The following CYTH1 variants were observed in gnomAD, a reference collection of about 807,000 sequenced individuals.
The protein encoded by CYTH1 is cytohesin 1.
In CYTH1, 18 loss-of-function variants were observed where a neutral mutation model predicts 61.8. The ratio of observed to expected loss-of-function variants is 0.29; its 90% confidence interval spans 0.20 to 0.43. CYTH1 has a LOEUF of 0.43. CYTH1 is among the 20% of genes least tolerant of loss of function. The pLI, the probability that CYTH1 is intolerant of heterozygous loss-of-function variation, is 1.00. For missense variants in CYTH1, 336 were observed against 510.5 expected, an observed-to-expected ratio of 0.66 and a Z score of 3.29; for synonymous variants, 174 against 184.3, an observed-to-expected ratio of 0.94 and a Z score of 0.45.
chr17:78,698,159 A>G (rs2092963428), intron 9 of CYTH1, 110 bp downstream of exon 9: 2 of 887,208 alleles, frequency 2.3e-6, no homozygotes. Context: ...GCACACATGC[A>G]CACGCACAAA....
At chr17:78,752,316 G>A (rs745598842) in intron 1 of CYTH1, among the ~76,000 whole-genome samples, 1 of 152,146 alleles carries the variant, frequency 6.6e-6, no homozygotes, top group Non-Finnish European at 1.5e-5. Flanking sequence ...CATTTTTATA[G>A]AGATTTTCAT....
intron 1 of CYTH1, among the ~76,000 whole-genome samples, chr17:78,748,566 TGAA>T (rs945761179): frequency 1.8e-4 from 28 of 152,246 alleles, no homozygotes; most frequent in African/African-American, 6.3e-4. Context: ...GAGAATTGTC[TGAA>T]GAAGGGGGTA....
intron 13 of CYTH1, among the ~76,000 whole-genome samples, chr17:78,679,698 T>C (rs911882961): frequency 1.3e-5 from 2 of 152,216 alleles, no homozygotes; most frequent in African/African-American, 2.4e-5. Context: ...TGTGGAACCC[T>C]GAGGAAGCTT....
intron 1 of CYTH1, among the ~76,000 whole-genome samples, chr17:78,760,570 C>CATACATATATATGTATATATATAT (rs1273184656): frequency 1.6e-4 from 4 of 24,768 alleles, no homozygotes; most frequent in Admixed American, 1.0e-3. Context: ...TATATATATA[C>CATACATATATATGTATATATATAT]ACATACATAT....
At chr17:78,756,044 C>G (rs183830399) in intron 1 of CYTH1, among the ~76,000 whole-genome samples, 1 of 151,328 alleles carries the variant, frequency 6.6e-6, no homozygotes, top group East Asian at 1.9e-4. Flanking sequence ...TATATCCCAT[C>G]AAATTGTACA....
At chr17:78,772,233 G>A (rs925320608) in intron 1 of CYTH1, among the ~76,000 whole-genome samples, 37 of 152,042 alleles carry the variant, frequency 2.4e-4, no homozygotes, top group African/African-American at 5.1e-4. Flanking sequence ...AAGCAGACTC[G>A]ACCAGACTCG....
chr17:78,723,221 A>T (rs1267611698), intron 1 of CYTH1: 2 of 152,992 alleles, frequency 1.3e-5, no homozygotes. Context: ...ACCCACGGTG[A>T]GTCCCCTCTC....
At chr17:78,693,576 G>A (rs920807286) in intron 10 of CYTH1, among the ~76,000 whole-genome samples, 1 of 149,478 alleles carries the variant, frequency 6.7e-6, no homozygotes, top group Non-Finnish European at 1.5e-5. Flanking sequence ...AGCCAAGATT[G>A]CACCACTGCA....
intron 1 of CYTH1, among the ~76,000 whole-genome samples, chr17:78,749,286 C>G (rs2093370440): frequency 6.6e-6 from 1 of 151,998 alleles, no homozygotes; most frequent in Non-Finnish European, 1.5e-5. Flanking sequence ...ATGGCGAAAC[C>G]CCGTCTCCAC....
chr17:78,712,128 G>A (rs1006387210), intron 1 of CYTH1, among the ~76,000 whole-genome samples: 2 of 132,374 alleles, frequency 1.5e-5, no homozygotes, highest in African/African-American at 5.8e-5. Flanking sequence ...AAGGAAGGGA[G>A]GGAGGAAGGA....
Position 78,698,361 on chromosome 17 carries a change from T to C in CYTH1, c.719A>G (p.Lys240Arg). Residue 240 changes from lysine to arginine, a missense_variant, in exon 9 of 14, where the codon AAA becomes AGA. Around this residue, in one of 4 missense-constraint regions of CYTH1, gnomAD observed 125 missense variants for 209.9 expected, o/e 0.60. Coordinates refer to ENST00000446868, the MANE Select transcript of CYTH1 (RefSeq NM_004762.6). ...TTCTGGGATTTTAAAGGGTTCATTT[T>C]TTATGCTCTCATAGAGATTCTGGGA... ...ELLRNLYESI[K>R]NEPFKIPEDD... 1 of 1,612,836 alleles carries C rather than the reference T, an allele frequency of 6.2e-7. No homozygotes were observed. Among genetic ancestry groups the C allele is most frequent in the Non-Finnish European group, 8.5e-7 (1 of 1,179,378 alleles).
At chr17:78,703,111 T>TA (rs962849511) in intron 3 of CYTH1, among the ~76,000 whole-genome samples, 2 of 150,010 alleles carry the variant, frequency 1.3e-5, no homozygotes, top group Admixed American at 1.3e-4. Flanking sequence ...ACATGATTTT[T>TA]AAAAAAACTT....
intron 1 of CYTH1, among the ~76,000 whole-genome samples, chr17:78,711,347 C>T (rs1488826231): frequency 1.3e-5 from 2 of 150,334 alleles, no homozygotes; most frequent in African/African-American, 2.4e-5. Flanking sequence ...ACCAGACTTT[C>T]TATAAAAACA....
chr17:78,778,123 G>A (rs976495128), intron 1 of CYTH1, among the ~76,000 whole-genome samples: 1 of 143,988 alleles, frequency 6.9e-6, no homozygotes, highest in Admixed American at 6.9e-5. Context: ...GCCAACATGG[G>A]GAAACCCCAT....
rs1274554319 is a variant in CYTH1 at position 78,717,483 on chromosome 17, CATTT to C, written c.23-7755_23-7752del. On this transcript the variant is annotated intron_variant, in intron 1 of 13. Transcript: ENST00000446868. This position sits in a 1 kb window ranked among gnomAD's most constrained non-coding sequence, Gnocchi z 4.4. ...AGGAAAGCCACACAAGGGAAGCTTTCATTTATTTATTTATTTAAATGTTGCTTTG... is the reference window on the plus strand; with the variant it reads ...AGGAAAGCCACACAAGGGAAGCTTTCATTTATTTATTTAAATGTTGCTTTG... Among the ~76,000 whole-genome samples the C allele has an allele frequency of 1.3e-5, 2 of 152,160 alleles. No homozygotes were observed. The highest frequency in any genetic ancestry group is 4.8e-5 in the African/African-American group (2 of 41,428).
At chr17:78,731,704 G>C (rs184369305) in intron 1 of CYTH1, among the ~76,000 whole-genome samples, 61 of 147,370 alleles carry the variant, frequency 4.1e-4, no homozygotes, top group Non-Finnish European at 7.1e-4. Context: ...CTTGCAGTGA[G>C]CTGAGATAGT....
intron 1 of CYTH1, among the ~76,000 whole-genome samples, chr17:78,767,397 C>T (rs1023949105): frequency 1.3e-5 from 2 of 152,148 alleles, no homozygotes; most frequent in African/African-American, 4.8e-5. Context: ...GTTGGTATTT[C>T]CACCATAGCA....
chr17:78,701,798 C>T, intron 5 of CYTH1, 47 bp from the exon 6 acceptor site: 1 of 1,585,876 alleles, frequency 6.3e-7, no homozygotes, highest in Middle Eastern at 1.7e-4. Flanking sequence ...GAGTCAGGCA[C>T]CAACACTGAG....
chr17:78,699,117 T>C (rs917466301), intron 7 of CYTH1, 149 bp from the exon 8 acceptor site: 2 of 948,390 alleles, frequency 2.1e-6, no homozygotes, highest in Non-Finnish European at 1.6e-6. Context: ...CTGTAATCCC[T>C]GCACTTTGGG....
Sources: gnomAD v4.1 joint callset for allele counts (sites outside exome capture counted in the v4.1 genomes callset) on GRCh38, gnomAD v4.1.1 for gene constraint, gnomAD v4.1.1 regional missense constraint, Gnocchi (gnomAD v3.1) non-coding constraint, MANE v1.5 for transcripts, NCBI Gene and HGNC (gene_info 2026-07-23, HGNC 2026-07-21) for gene names.